ENTREP2: variants seen among roughly 807,000 people sequenced by gnomAD.
ENTREP2 encodes protein ENTREP2.
At chr15:29,442,144 T>C in the ENTREP2 span, among the ~76,000 whole-genome samples, 3 of 152,208 alleles carry the variant, frequency 2.0e-5, no homozygotes, top group Non-Finnish European at 2.9e-5. Context: ...TTGCACACAG[T>C]GACCCTCCCA....
At chr15:29,211,829 C>T in the ENTREP2 span, among the ~76,000 whole-genome samples, 36 of 152,102 alleles carry the variant, frequency 2.4e-4, no homozygotes, top group Middle Eastern at 3.4e-3. Flanking sequence ...GTATGAAACC[C>T]ACTTGGTCAT....
At chr15:29,218,083 G>C in the ENTREP2 span, among the ~76,000 whole-genome samples, 2 of 152,212 alleles carry the variant, frequency 1.3e-5, no homozygotes, top group Admixed American at 1.3e-4. Flanking sequence ...GGTCTGCACA[G>C]AGTCCTGTGA....
At chr15:29,367,844 C>T in the ENTREP2 span, among the ~76,000 whole-genome samples, 20 of 151,526 alleles carry the variant, frequency 1.3e-4, no homozygotes, top group African/African-American at 4.8e-4. Flanking sequence ...ATAGGCTTTA[C>T]AGAATTCATT....
the ENTREP2 span, among the ~76,000 whole-genome samples, chr15:29,498,566 A>G: frequency 6.6e-6 from 1 of 152,306 alleles, no homozygotes; most frequent in Admixed American, 6.5e-5. Context: ...TTGTGGCCCA[A>G]CGTATAACCT....
the ENTREP2 span, among the ~76,000 whole-genome samples, chr15:29,135,439 C>T: frequency 2.0e-5 from 3 of 152,112 alleles, no homozygotes; most frequent in Non-Finnish European, 1.5e-5. This position sits in a 1 kb window ranked among gnomAD's most constrained non-coding sequence, Gnocchi z 7.4. Flanking sequence ...TGGAAGATCC[C>T]TTGCACTATG....
At chr15:29,184,752 T>C in the ENTREP2 span, among the ~76,000 whole-genome samples, 7 of 152,172 alleles carry the variant, frequency 4.6e-5, no homozygotes, top group African/African-American at 1.4e-4. Flanking sequence ...ATGTCTCCCA[T>C]GGATGCTCTG....
the ENTREP2 span, among the ~76,000 whole-genome samples, chr15:29,162,314 C>T: frequency 6.6e-6 from 1 of 152,130 alleles, no homozygotes; most frequent in Admixed American, 6.5e-5. Context: ...GCCTCCTGGC[C>T]AGAACTCGGG....
chr15:29,170,302 C>A, the ENTREP2 span, among the ~76,000 whole-genome samples: 5 of 88,042 alleles, frequency 5.7e-5, no homozygotes, highest in Admixed American at 1.6e-4. Flanking sequence ...AGCGAGACTC[C>A]ATCTCAAAAA....
chr15:29,661,347 C>G, the ENTREP2 span, among the ~76,000 whole-genome samples: 15 of 152,024 alleles, frequency 9.9e-5, no homozygotes, highest in Non-Finnish European at 2.1e-4. Context: ...ATTACAGGTG[C>G]ACACCACCAT....
At chr15:29,354,904 C>G in the ENTREP2 span, among the ~76,000 whole-genome samples, 2 of 152,128 alleles carry the variant, frequency 1.3e-5, no homozygotes, top group Admixed American at 1.3e-4. Flanking sequence ...TCTGTTTGCC[C>G]TCCAGATCCA....
the ENTREP2 span, among the ~76,000 whole-genome samples, chr15:29,372,645 T>G: frequency 3.3e-5 from 5 of 152,206 alleles, no homozygotes; most frequent in African/African-American, 1.2e-4. Context: ...ATGGCCACTG[T>G]GTAACTTTAC....
At chr15:29,398,498 C>A in the ENTREP2 span, among the ~76,000 whole-genome samples, 1 of 151,922 alleles carries the variant, frequency 6.6e-6, no homozygotes, top group African/African-American at 2.4e-5. Flanking sequence ...CCGAGGCTAG[C>A]GGATCACTTG....
chr15:29,421,130 A>G, the ENTREP2 span, among the ~76,000 whole-genome samples: 2 of 152,220 alleles, frequency 1.3e-5, no homozygotes, highest in African/African-American at 4.8e-5. Flanking sequence ...GGGAACAGAA[A>G]GATAACCTAC....
the ENTREP2 span, among the ~76,000 whole-genome samples, chr15:29,486,429 G>A: frequency 2.0e-5 from 3 of 152,262 alleles, no homozygotes; most frequent in East Asian, 5.8e-4. Context: ...AGTGGCGCAC[G>A]CCTGTAATCC....
At chr15:29,244,758 C>T in the ENTREP2 span, among the ~76,000 whole-genome samples, 4 of 152,170 alleles carry the variant, frequency 2.6e-5, no homozygotes, top group Non-Finnish European at 4.4e-5. Context: ...AATGGAGCTG[C>T]GGGACCTCCC....
At chr15:29,524,126 T>C in the ENTREP2 span, among the ~76,000 whole-genome samples, 1 of 152,160 alleles carries the variant, frequency 6.6e-6, no homozygotes, top group Non-Finnish European at 1.5e-5. Flanking sequence ...AAATCATATG[T>C]CTGTACAGGT....
the ENTREP2 span, among the ~76,000 whole-genome samples, chr15:29,667,333 G>T: frequency 0.05 from 7,524 of 150,796 alleles, 241 homozygotes; most frequent in Non-Finnish European, 0.077. Context: ...GACTACAGGC[G>T]CCCACCACCA....
the ENTREP2 span, chr15:29,570,849 G>C: frequency 8.8e-6 from 2 of 228,464 alleles, no homozygotes; most frequent in African/African-American, 4.8e-5. Context: ...GGCTGCCAGG[G>C]CTGCGGCGGC....
chr15:29,322,996 G>A, the ENTREP2 span, among the ~76,000 whole-genome samples: 2 of 152,178 alleles, frequency 1.3e-5, no homozygotes, highest in African/African-American at 2.4e-5. Flanking sequence ...ATAGCATATG[G>A]ATAAATGCAA....
Sources: gnomAD v4.1 joint callset for allele counts (sites outside exome capture counted in the v4.1 genomes callset) on GRCh38, gnomAD v4.1.1 for gene constraint, Gnocchi (gnomAD v3.1) non-coding constraint, MANE v1.5 for transcripts, NCBI Gene and HGNC (gene_info 2026-07-23, HGNC 2026-07-21) for gene names.